The following JMJD1C variants were observed in gnomAD, a reference collection of about 807,000 sequenced individuals.
JMJD1C encodes jumonji domain-containing protein 1C.
Under a neutral mutation model 245.3 loss-of-function variants are expected in JMJD1C, and 31 were observed. That is an observed-to-expected ratio of 0.13 (90% CI 0.09 to 0.17). JMJD1C has a LOEUF of 0.17. Among genes scored for constraint, JMJD1C ranks in the 10% least tolerant of loss-of-function variants. The pLI, the probability that JMJD1C is intolerant of heterozygous loss-of-function variation, is 1.00. For missense variants in JMJD1C, 2,691 were observed against 3,000.2 expected, an observed-to-expected ratio of 0.90 and a Z score of 2.41; for synonymous variants, 1,057 against 1,017.4, an observed-to-expected ratio of 1.04 and a Z score of -0.74.
intron 1 of JMJD1C, among the ~76,000 whole-genome samples, chr10:63,419,561 T>C (rs1004767226): frequency 3.9e-5 from 6 of 151,918 alleles, no homozygotes; most frequent in Non-Finnish European, 7.4e-5. Context: ...GGCCAAGAAA[T>C]AGACTTGGTG....
chr10:63,471,828 G>A (rs997917096), intron 1 of JMJD1C, among the ~76,000 whole-genome samples: 12 of 152,214 alleles, frequency 7.9e-5, no homozygotes, highest in Admixed American at 3.9e-4. Context: ...ACCTGAGGTC[G>A]GGAATTTGAG....
At chr10:63,445,947 C>T (rs541944130) in intron 1 of JMJD1C, among the ~76,000 whole-genome samples, 151 of 132,456 alleles carry the variant, frequency 1.1e-3, no homozygotes, top group African/African-American at 4.2e-3. Flanking sequence ...GTGATCTGGG[C>T]TCACTGCAGC....
At chr10:63,329,042 A>G (rs1941842023) in intron 2 of JMJD1C, among the ~76,000 whole-genome samples, 1 of 152,086 alleles carries the variant, frequency 6.6e-6, no homozygotes, top group Non-Finnish European at 1.5e-5. Flanking sequence ...AGCACTTTGA[A>G]AGGCTGAGGT....
intron 1 of JMJD1C, among the ~76,000 whole-genome samples, chr10:63,441,561 A>G (rs1951388902): frequency 6.6e-6 from 1 of 152,206 alleles, no homozygotes; most frequent in African/African-American, 2.4e-5. Context: ...TTCCTCCTGC[A>G]TTAGATCATA....
At chr10:63,200,336 A>G in intron 11 of JMJD1C, 140 bp downstream of exon 11, 3 of 648,208 alleles carry the variant, frequency 4.6e-6, no homozygotes, top group East Asian at 2.7e-5. Context: ...AACATTTAAT[A>G]ACTCTTTTAT....
intron 2 of JMJD1C, among the ~76,000 whole-genome samples, chr10:63,336,457 C>CA (rs1263788580): frequency 1.3e-5 from 2 of 151,850 alleles, no homozygotes; most frequent in African/African-American, 4.8e-5. Flanking sequence ...GACTCTGTCT[C>CA]AAAAAATAAT....
intron 2 of JMJD1C, among the ~76,000 whole-genome samples, chr10:63,265,235 TG>T (rs1855401988): frequency 6.6e-6 from 1 of 152,120 alleles, no homozygotes; most frequent in Non-Finnish European, 1.5e-5. Context: ...AGGAAGTATC[TG>T]GTCTTTTAAC....
At chr10:63,456,928 G>A (rs1952450524) in intron 1 of JMJD1C, among the ~76,000 whole-genome samples, 2 of 152,074 alleles carry the variant, frequency 1.3e-5, no homozygotes, top group Non-Finnish European at 2.9e-5. Context: ...CAAGGGATTA[G>A]TAAGATAAAA....
chr10:63,446,620 G>A (rs539071520), intron 1 of JMJD1C, among the ~76,000 whole-genome samples: 11 of 152,262 alleles, frequency 7.2e-5, no homozygotes, highest in East Asian at 3.9e-4. Context: ...AGACAGATAC[G>A]AGAAAAACCA....
intron 1 of JMJD1C, among the ~76,000 whole-genome samples, chr10:63,393,782 A>T (rs1421742382): frequency 2.0e-5 from 3 of 152,212 alleles, no homozygotes; most frequent in Non-Finnish European, 4.4e-5. Flanking sequence ...TACCTTCTAA[A>T]ATTTACATGG....
intron 2 of JMJD1C, among the ~76,000 whole-genome samples, chr10:63,363,411 G>A (rs569563002): frequency 4.6e-5 from 7 of 150,888 alleles, no homozygotes; most frequent in East Asian, 2.0e-4. Flanking sequence ...GATGCATGCC[G>A]CCATGCCTGG....
intron 2 of JMJD1C, among the ~76,000 whole-genome samples, chr10:63,267,325 T>G (rs1285067222): frequency 1.3e-5 from 2 of 152,182 alleles, no homozygotes; most frequent in Non-Finnish European, 2.9e-5. Flanking sequence ...TTTTTTTAAC[T>G]GGCAAAACAA....
At chr10:63,357,196 T>C (rs1944920636) in intron 2 of JMJD1C, among the ~76,000 whole-genome samples, 1 of 151,834 alleles carries the variant, frequency 6.6e-6, no homozygotes, top group Admixed American at 6.6e-5. Flanking sequence ...ACCACGCCCA[T>C]CTATTTTTTC....
rs543922586 is a variant in JMJD1C, at chr10:63,401,206, T to A, written c.169-20724A>T. Reference sequence around the variant, plus strand: ...ACTTCAGGTCAATTTTTTTTTAACCTCTATTCTTTTCTATTATAAGCATGT... The same window carrying A: ...ACTTCAGGTCAATTTTTTTTTAACCACTATTCTTTTCTATTATAAGCATGT... On this transcript the variant is annotated intron_variant, in intron 1 of 25. Transcript: ENST00000399262. Among the ~76,000 whole-genome samples, 3 of 152,284 alleles carry A rather than the reference T, an allele frequency of 2.0e-5. No homozygotes were observed. In the East Asian group the frequency reaches 5.8e-4, roughly 29 times the overall value.
At chr10:63,191,788 C>T (rs1047814020) in intron 16 of JMJD1C, among the ~76,000 whole-genome samples, 1 of 151,598 alleles carries the variant, frequency 6.6e-6, no homozygotes, top group Admixed American at 6.6e-5. Flanking sequence ...AGTTCAAGAC[C>T]AACCTGGCCA....
At chr10:63,213,099 T>C (rs940445589) in intron 8 of JMJD1C, among the ~76,000 whole-genome samples, 6 of 150,492 alleles carry the variant, frequency 4.0e-5, no homozygotes, top group African/African-American at 1.5e-4. Context: ...GGCAGAAGAA[T>C]TGCTTGAACC....
In JMJD1C at chr10:63,173,525, C is replaced by G. The variant is rs554012039; in HGVS notation, c.7401+2772G>C. 2.6e-5 allele frequency among the ~76,000 whole-genome samples: 4 copies of G among 152,232 alleles called. No homozygotes were observed. In the South Asian group the frequency reaches 8.3e-4, roughly 32 times the overall value. Reference sequence around the variant, plus strand: ...TTGCCTGAGCTTAGGAGTTCGAGACCAGCCTGAGCAACACAGCAAGACCCC... The same window carrying G: ...TTGCCTGAGCTTAGGAGTTCGAGACGAGCCTGAGCAACACAGCAAGACCCC... On this transcript the variant is annotated intron_variant, in intron 24 of 25. Transcript: ENST00000399262.
rs1843009567 is a variant in JMJD1C at position 63,177,952 on chromosome 10, T to C, written c.7085-96A>G. 3.1e-6 allele frequency: 4 copies of C among 1,280,936 alleles called. No homozygotes were observed. The African/African-American group carries it at 6.0e-5, about 19-fold the overall frequency. 79.3% of individuals were successfully genotyped at this position (1,280,936 alleles called of 1,614,324 possible). A position where few individuals can be genotyped will look rare whatever the true frequency, so the allele number is the denominator to read the frequency against. ...CTATCAGAGCAGCAGAGTGCCTGAC[T>C]AGGATCAGTACTTTTTCTTTTTTGG... On this transcript the variant is annotated intron_variant, in intron 22 of 25. Coordinates refer to ENST00000399262, the MANE Select transcript of JMJD1C (RefSeq NM_032776.3).
At chr10:63,412,500 C>T (rs1004820143) in intron 1 of JMJD1C, among the ~76,000 whole-genome samples, 1 of 152,134 alleles carries the variant, frequency 6.6e-6, no homozygotes, top group Non-Finnish European at 1.5e-5. Context: ...GTCAGCATCA[C>T]ACTGAGTTTT....
Sources: gnomAD v4.1 joint callset for allele counts (sites outside exome capture counted in the v4.1 genomes callset) on GRCh38, gnomAD v4.1.1 for gene constraint, MANE v1.5 for transcripts, NCBI Gene and HGNC (gene_info 2026-07-23, HGNC 2026-07-21) for gene names.